The following VAV2 variants were observed in gnomAD, a reference collection of about 807,000 sequenced individuals.
VAV2 encodes the protein vav guanine nucleotide exchange factor 2, also known as guanine nucleotide exchange factor VAV2.
VAV2 carries 67 observed loss-of-function variants against 132.5 expected under a neutral mutation model. The ratio of observed to expected loss-of-function variants is 0.51; its 90% CI spans 0.42 to 0.62. The LOEUF (loss-of-function observed/expected upper bound fraction) is 0.62, where lower values mean the gene tolerates loss of function less well. Ranked by LOEUF, VAV2 falls within the 20% of genes least tolerant of loss-of-function variation. The pLI is 0.00. For missense variants in VAV2, 938 were observed against 1,153.6 expected (o/e 0.81, Z 2.71); for synonymous variants, 492 against 443.5 (o/e 1.11, Z -1.37).
intron 4 of VAV2, among the ~76,000 whole-genome samples, chr9:133,821,245 A>G (rs1360953218): frequency 6.6e-6 from 1 of 152,210 alleles, no homozygotes; most frequent in Non-Finnish European, 1.5e-5. Context: ...CCCATGCCAC[A>G]CCAGTGTCTG....
At position 133,857,097 on chromosome 9, in the gene VAV2, A is replaced by T. The variant is rs911851220; in HGVS notation, c.380+4277T>A. 4.0e-5 allele frequency among the ~76,000 whole-genome samples: 6 copies of T among 151,644 alleles called. No homozygotes were observed. The highest frequency in any genetic ancestry group is 8.8e-5 in the Non-Finnish European group (6 of 67,932). Reference sequence around the variant, plus strand: ...ACAGAAGCTTCCTTCATGGGACCTGACCTCCCAGCCTGAGGACACCTTTCG... The same window carrying T: ...ACAGAAGCTTCCTTCATGGGACCTGTCCTCCCAGCCTGAGGACACCTTTCG... On this transcript the variant is annotated intron_variant, in intron 3 of 29. Coordinates refer to ENST00000371850, the MANE Select transcript of VAV2 (RefSeq NM_001134398.2). This position sits in a 1 kb window ranked among gnomAD's most constrained non-coding sequence, Gnocchi z 4.0.
At chr9:133,947,915 G>A (rs1283579037) in intron 1 of VAV2, among the ~76,000 whole-genome samples, 4 of 151,858 alleles carry the variant, frequency 2.6e-5, no homozygotes, top group Admixed American at 6.5e-5. Context: ...TCAGCCTCCC[G>A]AGCAGCTGGG....
At chr9:133,929,520 G>A (rs531279087) in intron 2 of VAV2, among the ~76,000 whole-genome samples, 2 of 152,142 alleles carry the variant, frequency 1.3e-5, no homozygotes, top group South Asian at 4.1e-4. Context: ...ACGGGGGTAG[G>A]GGGACCCAAG....
chr9:133,791,550 C>G (rs1054618842), intron 13 of VAV2, among the ~76,000 whole-genome samples: 1 of 151,942 alleles, frequency 6.6e-6, no homozygotes, highest in African/African-American at 2.4e-5. Context: ...TCCCCCTCCC[C>G]CCGAGCACAG....
chr9:133,809,900 G>A (rs1489335762), intron 6 of VAV2, among the ~76,000 whole-genome samples: 1 of 152,202 alleles, frequency 6.6e-6, no homozygotes, highest in Non-Finnish European at 1.5e-5. Context: ...ATGGTGCTGT[G>A]ACCCACAGCG....
In VAV2 at chr9:133,968,430, C is replaced by G. The variant is rs560620160; in HGVS notation, c.204+23645G>C. On this transcript the variant is annotated intron_variant, in intron 1 of 29. Transcript: ENST00000371850. ...TTGAAAAGGTTGTGGGGGGGAAAAACACCACCAAAAGGCAAGAGAGGCTCA... is the reference window on the plus strand; with the variant it reads ...TTGAAAAGGTTGTGGGGGGGAAAAAGACCACCAAAAGGCAAGAGAGGCTCA... 2.8e-3 allele frequency among the ~76,000 whole-genome samples: 425 copies of G among 152,178 alleles called. 4 individuals carry two copies. The highest frequency in any genetic ancestry group is 9.8e-3 in the African/African-American group (407 of 41,516).
intron 2 of VAV2, among the ~76,000 whole-genome samples, chr9:133,934,514 G>C (rs913032825): frequency 1.3e-5 from 2 of 152,210 alleles, no homozygotes; most frequent in Non-Finnish European, 2.9e-5. Context: ...CCAAGCAGCT[G>C]GGAGCTCAGA....
At chr9:133,864,883 C>T (rs959857870) in intron 2 of VAV2, among the ~76,000 whole-genome samples, 8 of 152,194 alleles carry the variant, frequency 5.3e-5, no homozygotes, top group East Asian at 1.9e-4. Flanking sequence ...AAAGGGCATG[C>T]GGTCTGTGAG....
chr9:133,779,779 GC>G (rs1454527217), intron 21 of VAV2, 138 bp downstream of exon 21: 2 of 1,157,148 alleles, frequency 1.7e-6, no homozygotes, highest in Non-Finnish European at 2.4e-6. Flanking sequence ...GAGGGAGGGG[GC>G]CCAGATGGCA....
In VAV2 at chr9:133,929,028, C is replaced by G. The variant is rs2132100471; in HGVS notation, c.321+10075G>C. Among the ~76,000 whole-genome samples, 5 of 152,360 alleles carry G rather than the reference C, an allele frequency of 3.3e-5. No individual in the cohort carries two copies. The Middle Eastern group carries it at 0.017, about 518-fold the overall frequency. On this transcript the variant is annotated intron_variant, in intron 2 of 29. Coordinates refer to ENST00000371850, the MANE Select transcript of VAV2 (RefSeq NM_001134398.2). ...CCATGAAAACAGGCAGCGGCACCAT[C>G]TGGAATCTCCCGCCCACAGCCCTCG...
intron 2 of VAV2, among the ~76,000 whole-genome samples, chr9:133,887,856 C>T (rs1007224864): frequency 4.0e-5 from 6 of 151,502 alleles, no homozygotes; most frequent in Non-Finnish European, 7.4e-5. Context: ...AAGGCTCCTG[C>T]GTGGCCAGCC....
chr9:133,954,699 G>A (rs1426838674), intron 1 of VAV2, among the ~76,000 whole-genome samples: 1 of 152,218 alleles, frequency 6.6e-6, no homozygotes, highest in Non-Finnish European at 1.5e-5. Context: ...ATGCGTGTGG[G>A]GTGCCCATGC....
intron 1 of VAV2, among the ~76,000 whole-genome samples, chr9:133,956,641 T>G (rs537033572): frequency 2.0e-5 from 3 of 152,338 alleles, no homozygotes; most frequent in Admixed American, 1.3e-4. Context: ...GAAGCTGTAC[T>G]TTCTGGAAAT....
At chr9:133,800,430 C>T (rs1483473138) in intron 9 of VAV2, among the ~76,000 whole-genome samples, 1 of 152,204 alleles carries the variant, frequency 6.6e-6, no homozygotes, top group Non-Finnish European at 1.5e-5. Context: ...AGCGAGGGGT[C>T]CTGCCCGCAT....
At chr9:133,929,557 AGAG>A (rs1199717034) in intron 2 of VAV2, among the ~76,000 whole-genome samples, 1 of 152,122 alleles carries the variant, frequency 6.6e-6, no homozygotes, top group African/African-American at 2.4e-5. Flanking sequence ...CCCAGGCAGA[AGAG>A]GAGAGGAATA....
chr9:133,985,644 G>C (rs1203846838), intron 1 of VAV2, among the ~76,000 whole-genome samples: 1 of 152,156 alleles, frequency 6.6e-6, no homozygotes, highest in East Asian at 1.9e-4. Flanking sequence ...TGGACAAACA[G>C]CTGGTTCTTA....
rs560808757 is a variant in VAV2 at position 133,774,804 on chromosome 9, A to C, written c.2135+131T>G. 1.3e-4 allele frequency: 110 copies of C among 820,212 alleles called. 2 individuals carry two copies. The South Asian group carries it at 1.7e-3, about 12-fold the overall frequency. The allele number at this position is 820,212 out of a possible 1,614,324, so 50.8% of individuals were successfully genotyped here. On this transcript the variant is annotated intron_variant, in intron 25 of 29. Coordinates refer to ENST00000371850, the MANE Select transcript of VAV2 (RefSeq NM_001134398.2). ...CCCTCAGCACCGCTTTCATCTCAATAATGTCCTCACTTGGCAACAGATGAC... is the reference window on the plus strand; with the variant it reads ...CCCTCAGCACCGCTTTCATCTCAATCATGTCCTCACTTGGCAACAGATGAC...
At chr9:133,810,299 C>T in intron 5 of VAV2, 94 bp from the exon 6 acceptor site, 2 of 1,579,168 alleles carry the variant, frequency 1.3e-6, no homozygotes, top group South Asian at 2.3e-5. Context: ...AACGCCACCC[C>T]ACAACCAGCC....
chr9:133,779,957 G>A lies in VAV2; in HGVS notation c.1741-18C>T. On this transcript the variant is annotated intron_variant, in intron 20 of 29. Coordinates refer to ENST00000371850, the MANE Select transcript of VAV2 (RefSeq NM_001134398.2). Reference sequence around the variant, plus strand: ...GAGGCGTCCTGTGAGGACAAGGACAGAACACAGAGATGAGGGAAGGCTGCT... The same window carrying A: ...GAGGCGTCCTGTGAGGACAAGGACAAAACACAGAGATGAGGGAAGGCTGCT... 7 of 1,611,932 alleles carry A rather than the reference G, an allele frequency of 4.3e-6. No individual in the cohort carries two copies. The highest frequency in any genetic ancestry group is 5.9e-6 in the Non-Finnish European group (7 of 1,179,450).
Sources: gnomAD v4.1 joint callset for allele counts (sites outside exome capture counted in the v4.1 genomes callset) on GRCh38, gnomAD v4.1.1 for gene constraint, Gnocchi (gnomAD v3.1) non-coding constraint, MANE v1.5 for transcripts, NCBI Gene and HGNC (gene_info 2026-07-23, HGNC 2026-07-21) for gene names.